FHIP2A: variants seen among roughly 807,000 people sequenced by gnomAD.
FHIP2A encodes the protein FHF complex subunit HOOK interacting protein 2A.
A neutral mutation model predicts 93.5 loss-of-function variants in FHIP2A; 46 were observed. The ratio of observed to expected loss-of-function variants is 0.49; its 90% CI spans 0.39 to 0.63. FHIP2A has a LOEUF of 0.63. Ranked by LOEUF, FHIP2A falls within the 20% of genes least tolerant of loss-of-function variation. FHIP2A has a pLI of 0.00. For synonymous variants in FHIP2A, 332 were observed against 326.5 expected (o/e 1.02, Z -0.18); for missense variants, 769 against 909.7 (o/e 0.85, Z 1.99).
chr10:114,834,097 G>A (rs2083623815), intron 3 of FHIP2A, among the ~76,000 whole-genome samples: 1 of 152,068 alleles, frequency 6.6e-6, no homozygotes, highest in South Asian at 2.1e-4. Flanking sequence ...AGTCTATATA[G>A]TTCTGTGAAT....
intron 1 of FHIP2A, among the ~76,000 whole-genome samples, chr10:114,826,662 C>T (rs1377244124): frequency 6.6e-6 from 1 of 152,078 alleles, no homozygotes; most frequent in Non-Finnish European, 1.5e-5. Context: ...TGGGGAAGGT[C>T]ACTAGGAAAG....
rs1301435029 is a variant in FHIP2A at position 114,861,931 on chromosome 10, T to G, written c.*391T>G. On this transcript the variant is annotated 3_prime_UTR_variant, in exon 17 of 17. Coordinates refer to ENST00000369248, the MANE Select transcript of FHIP2A (RefSeq NM_020940.4). ...TGACATTCTCTGGGACTCAAATGCTTGTATTCTTTTGGATTAATAAGTAGC... is the reference window on the plus strand; with the variant it reads ...TGACATTCTCTGGGACTCAAATGCTGGTATTCTTTTGGATTAATAAGTAGC... The G allele has an allele frequency of 2.5e-5, 25 of 987,250 alleles. No homozygotes were observed. The highest frequency in any genetic ancestry group is 3.0e-5 in the Non-Finnish European group (25 of 831,054). 61.2% of individuals were successfully genotyped at this position (987,250 alleles called of 1,614,324 possible). A position where few individuals can be genotyped will look rare whatever the true frequency, so the allele number is the denominator to read the frequency against.
chr10:114,836,477 C>G lies in FHIP2A; in HGVS notation c.522+231C>G, dbSNP rs185162739. Among the ~76,000 whole-genome samples, 297 of 152,248 alleles carry G rather than the reference C, an allele frequency of 2.0e-3. 1 individual carries two copies. Among genetic ancestry groups the G allele is most frequent in the Non-Finnish European group, 6.5e-4 (44 of 68,024 alleles). On this transcript the variant is annotated intron_variant, in intron 5 of 16. Transcript: ENST00000369248. ...AGGTGGTACAGGGACTGGACAGATA[C>G]AAAGTCATGGCTTAAAAGAGGACAG...
At chr10:114,897,681 G>A (rs1350360187) in intron 16 of FHIP2A, among the ~76,000 whole-genome samples, 2 of 152,130 alleles carry the variant, frequency 1.3e-5, no homozygotes, top group African/African-American at 2.4e-5. Flanking sequence ...AGGCCAAGAT[G>A]GGCAGATTGC....
In FHIP2A at chr10:114,864,568, G is replaced by A; in HGVS notation, c.*3028G>A. 1 of 985,718 alleles carries A rather than the reference G, an allele frequency of 1.0e-6. No individual in the cohort carries two copies. Among genetic ancestry groups the A allele is most frequent in the Non-Finnish European group, 1.2e-6 (1 of 829,908 alleles). 61.1% of individuals were successfully genotyped at this position (985,718 alleles called of 1,614,324 possible). ...AGTGTTACCAGCGTCTGGAATTCTTGGTCCCTCCGTGGAGAAACTCTTCAG... is the reference window on the plus strand; with the variant it reads ...AGTGTTACCAGCGTCTGGAATTCTTAGTCCCTCCGTGGAGAAACTCTTCAG... On this transcript the variant is annotated 3_prime_UTR_variant, in exon 17 of 17. Coordinates refer to ENST00000369248, the MANE Select transcript of FHIP2A (RefSeq NM_020940.4).
At chr10:114,872,530 A>T (rs1592029914) in intron 16 of FHIP2A, among the ~76,000 whole-genome samples, 1 of 152,332 alleles carries the variant, frequency 6.6e-6, no homozygotes, top group East Asian at 1.9e-4. Context: ...TTAGAAGTTT[A>T]AACCTGAGCT....
chr10:114,898,770 T>G (rs2084012948), intron 16 of FHIP2A, among the ~76,000 whole-genome samples: 2 of 152,232 alleles, frequency 1.3e-5, no homozygotes. Flanking sequence ...CACAGGGTTA[T>G]TATGATGCTT....
rs181858720 is a variant in FHIP2A, at chr10:114,888,724, G to A, written c.2193-10766G>A. 5.1e-4 allele frequency among the ~76,000 whole-genome samples: 77 copies of A among 152,032 alleles called. No individual in the cohort carries two copies. In the East Asian group the frequency reaches 0.013, roughly 25 times the overall value. On this transcript the variant is annotated intron_variant, in intron 16 of 16. Coordinates refer to the FHIP2A transcript ENST00000369250. ...TTTAAGCGATTCTCAAGCCTCAGTCGCCCAAGTAGCTGGGATTACAATCAC... is the reference window on the plus strand; with the variant it reads ...TTTAAGCGATTCTCAAGCCTCAGTCACCCAAGTAGCTGGGATTACAATCAC...
chr10:114,859,838 G>A (rs2083787311), intron 14 of FHIP2A, among the ~76,000 whole-genome samples: 2 of 152,192 alleles, frequency 1.3e-5, no homozygotes, highest in Non-Finnish European at 2.9e-5. Context: ...GAAATGAGAT[G>A]ATCCCTCTCT....
In FHIP2A at chr10:114,822,049, C is replaced by T. The variant is rs2083528212; in HGVS notation, c.-30C>T. On this transcript the variant is annotated 5_prime_UTR_variant, in exon 1 of 17. Coordinates refer to ENST00000369248, the MANE Select transcript of FHIP2A (RefSeq NM_020940.4). ...GATCGAGGAGCTCTCCAGGTCGTCC[C>T]GGGAGAGGCTGCTGCAGTCCCGGGA... 1 of 1,275,640 alleles carries T rather than the reference C, an allele frequency of 7.8e-7. No homozygotes were observed. The highest frequency in any genetic ancestry group is 1.0e-6 in the Non-Finnish European group (1 of 989,360). The allele number at this position is 1,275,640 out of a possible 1,614,324, so 79.0% of individuals were successfully genotyped here.
In FHIP2A at chr10:114,863,073, G is replaced by A; in HGVS notation, c.*1533G>A. ...TTATGAATAGCCTCAGCTCTAGAAT[G>A]CTTACCACTGTTAAAACAACAAAAA... On this transcript the variant is annotated 3_prime_UTR_variant, in exon 17 of 17. Coordinates refer to ENST00000369248, the MANE Select transcript of FHIP2A (RefSeq NM_020940.4). The A allele has an allele frequency of 1.0e-6, 1 of 983,768 alleles. No individual in the cohort carries two copies. The highest frequency in any genetic ancestry group is 1.7e-5 in the African/African-American group (1 of 57,322). The allele number at this position is 983,768 out of a possible 1,614,324, so 60.9% of individuals were successfully genotyped here.
chr10:114,837,858 T>A (rs1298670716), intron 5 of FHIP2A, among the ~76,000 whole-genome samples: 1 of 152,246 alleles, frequency 6.6e-6, no homozygotes, highest in Non-Finnish European at 1.5e-5. Flanking sequence ...TGTTCCTTTA[T>A]GTTGTTGAGT....
chr10:114,846,634 T>C lies in FHIP2A; in HGVS notation c.1474T>C (p.Leu492=), dbSNP rs1385004826. 4 of 1,612,288 alleles carry C rather than the reference T, an allele frequency of 2.5e-6. No homozygotes were observed. The highest frequency in any genetic ancestry group is 3.4e-6 in the Non-Finnish European group (4 of 1,179,324). The stretch of plus-strand genomic sequence containing the variant: ...TGAGCACATTCTTTACAACTTGGTC[T>C]TGAGAAATCTTGAAGAAAGAAATTA... ...PNEHILYNLV[L]RNLEERNYTE... is the part of the protein sequence containing the mutation. Residue 492 remains leucine (L), a synonymous_variant, in exon 11 of 17, where the codon TTG becomes CTG. Coordinates refer to ENST00000369248, the MANE Select transcript of FHIP2A (RefSeq NM_020940.4).
At chr10:114,866,153 G>A (rs1379007734), downstream of FHIP2A, among the ~76,000 whole-genome samples, 3 of 145,254 alleles carry the variant, frequency 2.1e-5, no homozygotes, top group Non-Finnish European at 4.5e-5. Flanking sequence ...ACAGGCCCCA[G>A]TGTGTGTTGT....
At chr10:114,856,386 C>G (rs937369876) in intron 14 of FHIP2A, among the ~76,000 whole-genome samples, 1 of 151,718 alleles carries the variant, frequency 6.6e-6, no homozygotes, top group Non-Finnish European at 1.5e-5. Context: ...GTATAAAAAT[C>G]TGGCTATTAA....
downstream of FHIP2A, among the ~76,000 whole-genome samples, chr10:114,866,456 G>A (rs1482536773): frequency 3.9e-5 from 6 of 152,122 alleles, no homozygotes; most frequent in South Asian, 2.1e-4. Context: ...ATCCATCTAA[G>A]CCTGTTTCAT....
intron 3 of FHIP2A, among the ~76,000 whole-genome samples, chr10:114,834,524 A>C (rs1420316854): frequency 2.0e-5 from 3 of 152,200 alleles, no homozygotes; most frequent in African/African-American, 7.2e-5. Context: ...TTTCCAGATA[A>C]CATGTCTATG....
intron 16 of FHIP2A, among the ~76,000 whole-genome samples, chr10:114,888,306 A>C (rs1444243537): frequency 6.6e-6 from 1 of 152,172 alleles, no homozygotes; most frequent in Non-Finnish European, 1.5e-5. Flanking sequence ...AGGAGATAAT[A>C]AGAGGAGCAT....
At chr10:114,849,738 C>T (rs542035169) in intron 13 of FHIP2A, among the ~76,000 whole-genome samples, 24 of 152,278 alleles carry the variant, frequency 1.6e-4, no homozygotes, top group African/African-American at 5.3e-4. Flanking sequence ...GAAAGAAACC[C>T]GGTACAAATA....
Sources: allele counts gnomAD v4.1 joint callset (sites outside exome capture counted in the v4.1 genomes callset), GRCh38; gene constraint gnomAD v4.1.1; transcripts MANE v1.5; gene names NCBI Gene and HGNC (gene_info 2026-07-23, HGNC 2026-07-21).